Variants in CBR4 observed in about 807,000 individuals in gnomAD.
CBR4 encodes the protein 3-oxoacyl-[acyl-carrier-protein] reductase.
Under a neutral mutation model 21.0 loss-of-function variants are expected in CBR4, and 22 were observed. That is an observed-to-expected ratio of 1.05 (90% CI 0.75 to 1.50). CBR4 has a LOEUF of 1.50. CBR4 is among the 40% of genes most tolerant of loss of function. The probability of loss-of-function intolerance (pLI) is 0.00; values close to 1 mark genes in which losing one functional copy is unlikely to be tolerated. For missense variants in CBR4, 302 were observed against 286.3 expected (o/e 1.05, Z -0.40); for synonymous variants, 100 against 104.4 (o/e 0.96, Z 0.26).
At chr4:168,939,376 GAA>G (rs1234612248) in intron 2 of CBR4, among the ~76,000 whole-genome samples, 4 of 152,250 alleles carry the variant, frequency 2.6e-5, no homozygotes, top group Middle Eastern at 3.4e-3. Flanking sequence ...CATTCCCTTT[GAA>G]AACCGGCACA....
intron 2 of CBR4, among the ~76,000 whole-genome samples, chr4:168,899,931 A>G (rs187115542): frequency 6.6e-6 from 1 of 152,034 alleles, no homozygotes; most frequent in African/African-American, 2.4e-5. Context: ...AAAAAAAAAA[A>G]GAAAAGAAAA....
intron 2 of CBR4, among the ~76,000 whole-genome samples, chr4:168,963,661 G>A (rs1162605539): frequency 2.0e-5 from 3 of 151,802 alleles, no homozygotes; most frequent in Non-Finnish European, 4.4e-5. Flanking sequence ...GGAGAGACAG[G>A]GTTTCACCAT....
intron 2 of CBR4, among the ~76,000 whole-genome samples, chr4:168,905,561 G>A (rs185787032): frequency 1.1e-4 from 17 of 152,118 alleles, no homozygotes; most frequent in Non-Finnish European, 1.8e-4. Flanking sequence ...AGATCAGAAT[G>A]AAAACAGATT....
At chr4:168,928,981 CTG>C (rs767914943) in intron 2 of CBR4, among the ~76,000 whole-genome samples, 3 of 152,132 alleles carry the variant, frequency 2.0e-5, no homozygotes, top group Non-Finnish European at 2.9e-5. Context: ...ATTGGAATAA[CTG>C]AGAGAAGGTG....
intron 3 of CBR4, among the ~76,000 whole-genome samples, chr4:169,003,114 A>G (rs1259359258): frequency 6.6e-6 from 1 of 152,174 alleles, no homozygotes; most frequent in African/African-American, 2.4e-5. Context: ...TCTGACTTTC[A>G]AGTCTTATTT....
chr4:169,008,651 T>C (rs1419187462), intron 1 of CBR4, among the ~76,000 whole-genome samples: 1 of 152,158 alleles, frequency 6.6e-6, no homozygotes, highest in African/African-American at 2.4e-5. Context: ...GTGTCTCTCT[T>C]ACTCTTGGTT....
At chr4:168,960,186 T>C (rs541696724) in intron 2 of CBR4, among the ~76,000 whole-genome samples, 1 of 152,228 alleles carries the variant, frequency 6.6e-6, no homozygotes, top group African/African-American at 2.4e-5. Context: ...GTACAATTTA[T>C]CTGGTAAAAG....
intron 2 of CBR4, among the ~76,000 whole-genome samples, chr4:168,895,795 CAAAAT>C (rs1190864828): frequency 4.6e-5 from 7 of 152,204 alleles, no homozygotes; most frequent in African/African-American, 1.7e-4. Flanking sequence ...AATATCTAGT[CAAAAT>C]AAAATAGAAA....
Position 168,987,974 on chromosome 4 carries a change from A to G in CBR4, c.*2176T>C. ...AAACCTTATTTTGTTAATGCTAAGC[A>G]CAGAACCCTTATGGGCTCATAGGAG... On this transcript the variant is annotated 3_prime_UTR_variant, in exon 5 of 5. Coordinates refer to ENST00000306193, the MANE Select transcript of CBR4 (RefSeq NM_032783.5). 1 of 985,438 alleles carries G rather than the reference A, an allele frequency of 1.0e-6. No homozygotes were observed. Among genetic ancestry groups the G allele is most frequent in the Non-Finnish European group, 1.2e-6 (1 of 829,914 alleles). The allele number at this position is 985,438 out of a possible 1,614,324, so 61.0% of individuals were successfully genotyped here.
At chr4:168,929,081 C>CACCA (rs1370742724) in intron 2 of CBR4, among the ~76,000 whole-genome samples, 1 of 150,682 alleles carries the variant, frequency 6.6e-6, no homozygotes, top group African/African-American at 2.4e-5. Context: ...TGTAAATACA[C>CACCA]ACCAGTGCCA....
intron 2 of CBR4, among the ~76,000 whole-genome samples, chr4:168,964,316 G>T (rs573129055): frequency 1.3e-5 from 2 of 152,246 alleles, no homozygotes; most frequent in African/African-American, 4.8e-5. Flanking sequence ...CTTTCTTGAG[G>T]CCACTAAGTT....
chr4:168,898,372 T>C, intron 2 of CBR4: 5 of 725,892 alleles, frequency 6.9e-6, no homozygotes, highest in South Asian at 4.5e-5. Context: ...GCTCAGACTG[T>C]GTTTTTAAGC....
At chr4:168,903,680 C>CTGT (rs1757026531) in intron 2 of CBR4, 1 of 1,200,648 alleles carries the variant, frequency 8.3e-7, no homozygotes, top group African/African-American at 1.5e-5. Context: ...GCAAACCACA[C>CTGT]TGTTACTATT....
At chr4:169,004,995 T>G (rs1470439480) in intron 3 of CBR4, among the ~76,000 whole-genome samples, 1 of 152,188 alleles carries the variant, frequency 6.6e-6, no homozygotes, top group African/African-American at 2.4e-5. Context: ...TCACAAAATT[T>G]TTTTAAAGTA....
At chr4:168,973,268 T>C (rs1409517328) in intron 2 of CBR4, among the ~76,000 whole-genome samples, 2 of 152,188 alleles carry the variant, frequency 1.3e-5, no homozygotes, top group African/African-American at 4.8e-5. Flanking sequence ...CTAGTTTTGG[T>C]ATATGGGTAA....
intron 2 of CBR4, among the ~76,000 whole-genome samples, chr4:168,917,735 T>G (rs2126333516): frequency 6.6e-6 from 1 of 152,278 alleles, no homozygotes; most frequent in South Asian, 2.1e-4. Context: ...ATATTTTATT[T>G]CTTAGGATCA....
intron 3 of CBR4, chr4:169,005,465 C>A (rs1408714433): frequency 1.3e-5 from 2 of 159,308 alleles, no homozygotes; most frequent in Admixed American, 6.1e-5. Flanking sequence ...TTAAAGTAGT[C>A]CTTCCTGTAG....
intron 2 of CBR4, chr4:168,914,117 C>A: frequency 1.2e-6 from 1 of 803,526 alleles, no homozygotes; most frequent in Non-Finnish European, 2.1e-6. Flanking sequence ...CAAAAGTAAA[C>A]ATAACTGGAA....
intron 2 of CBR4, among the ~76,000 whole-genome samples, chr4:168,981,587 T>A: frequency 6.6e-6 from 1 of 152,164 alleles, no homozygotes; most frequent in East Asian, 1.9e-4. Context: ...AGAATTTTTT[T>A]AAATGAACAA....
Sources: gnomAD v4.1 joint callset for allele counts (sites outside exome capture counted in the v4.1 genomes callset) on GRCh38, gnomAD v4.1.1 for gene constraint, MANE v1.5 for transcripts, NCBI Gene and HGNC (gene_info 2026-07-23, HGNC 2026-07-21) for gene names.